SLC25A38: variants seen among roughly 807,000 people sequenced by gnomAD.
SLC25A38 encodes solute carrier family 25 member 38, also known as mitochondrial glycine transporter.
A neutral mutation model predicts 33.4 loss-of-function variants in SLC25A38; 27 were observed. The ratio of observed to expected loss-of-function variants is 0.81; its 90% confidence interval spans 0.60 to 1.11. SLC25A38 has a LOEUF of 1.11. Ranked by LOEUF, SLC25A38 falls within the 50% of genes most tolerant of loss-of-function variation. SLC25A38 has a pLI of 0.00. For synonymous variants in SLC25A38, 123 were observed against 145.9 expected (o/e 0.84, Z 1.13); for missense variants, 344 against 388.8 (o/e 0.88, Z 0.97).
At chr3:39,393,003 G>A (rs535034681) in intron 5 of SLC25A38, among the ~76,000 whole-genome samples, 1 of 152,332 alleles carries the variant, frequency 6.6e-6, no homozygotes, top group South Asian at 2.1e-4. Context: ...AAATTTCTGA[G>A]GCCTGGTGCG....
At chr3:39,392,262 T>G (rs13081742) in intron 5 of SLC25A38, among the ~76,000 whole-genome samples, 2 of 82,360 alleles carry the variant, frequency 2.4e-5, no homozygotes, top group Admixed American at 1.3e-4. Flanking sequence ...GGGGTGAGGA[T>G]AGGGTGGGTG....
chr3:39,394,985 C>G (rs2041811902), intron 6 of SLC25A38, among the ~76,000 whole-genome samples: 2 of 151,522 alleles, frequency 1.3e-5, no homozygotes, highest in South Asian at 4.2e-4. Context: ...CACACAAACA[C>G]ATTGTTTTAT....
intron 6 of SLC25A38, among the ~76,000 whole-genome samples, chr3:39,395,077 C>T (rs1439592789): frequency 1.3e-5 from 2 of 152,104 alleles, no homozygotes; most frequent in African/African-American, 4.8e-5. Context: ...TCTTGGGCCA[C>T]ACATAAAATA....
intron 1 of SLC25A38, among the ~76,000 whole-genome samples, chr3:39,386,603 A>C (rs11923386): frequency 0.013 from 1,921 of 152,320 alleles, 41 homozygotes; most frequent in African/African-American, 0.044. Context: ...GAAGATGACT[A>C]TGGCTTCAGG....
intron 1 of SLC25A38, among the ~76,000 whole-genome samples, chr3:39,384,008 G>T (rs966247199): frequency 6.6e-6 from 1 of 152,210 alleles, no homozygotes; most frequent in Non-Finnish European, 1.5e-5. Flanking sequence ...GGGGGCAGGC[G>T]CTGTAGGGCC....
In SLC25A38 at chr3:39,390,469, A is replaced by G. The variant is rs1189108054; in HGVS notation, c.238A>G (p.Thr80Ala). Residue 80 changes from threonine (T) to alanine (A), a missense_variant, in exon 3 of 7, where the codon ACG becomes GCG. Around this residue, in one of 2 missense-constraint regions of SLC25A38, gnomAD observed 269 missense variants for 271.8 expected, o/e 0.99. Coordinates refer to ENST00000650617, the MANE Select transcript of SLC25A38 (RefSeq NM_017875.4). ...MLAVLLKVVRTESLLGLWKGM... is the reference protein window; with the variant it reads ...MLAVLLKVVRAESLLGLWKGM... The stretch of plus-strand genomic sequence containing the variant: ...GGCTGTACTCTTGAAGGTGGTTCGC[A>G]CGGAGAGTCTTTTGGGCCTTTGGAA... The G allele has an allele frequency of 6.2e-7, 1 of 1,614,176 alleles. No individual in the cohort carries two copies. Among genetic ancestry groups the G allele is most frequent in the South Asian group, 1.1e-5 (1 of 91,086 alleles).
intron 3 of SLC25A38, 147 bp from the exon 4 acceptor site, chr3:39,391,294 C>G: frequency 3.7e-6 from 4 of 1,086,432 alleles, no homozygotes. Context: ...TATCTCATGT[C>G]CCCCACTTCC....
Position 39,389,432 on chromosome 3 carries a change from G to T in SLC25A38, c.70-63G>T, listed in dbSNP as rs773945731. On this transcript the variant is annotated intron_variant, in intron 1 of 6. Transcript: ENST00000650617. This position sits in a 1 kb window ranked among gnomAD's most constrained non-coding sequence, Gnocchi z 4.5. ...CATTATAAAGGAATTTGCTGGTCAG[G>T]TATAGAGAAAGGTGAGGCTCACACA... 145 of 1,613,626 alleles carry T rather than the reference G, an allele frequency of 9.0e-5. No homozygotes were observed. The highest frequency in any genetic ancestry group is 1.2e-4 in the Admixed American group (7 of 59,962).
chr3:39,395,170 T>G (rs1252544937), intron 6 of SLC25A38, among the ~76,000 whole-genome samples: 2 of 152,090 alleles, frequency 1.3e-5, no homozygotes, highest in African/African-American at 4.8e-5. Context: ...GTTTACAAAT[T>G]TGTTTTGGGC....
In SLC25A38 at chr3:39,383,745, G is replaced by A. The variant is rs1161059746; in HGVS notation, c.21G>A (p.Pro7=). The A allele has an allele frequency of 6.2e-7, 1 of 1,614,188 alleles. No homozygotes were observed. The change falls in exon 1 of 7, where the codon CCG becomes CCA. Residue 7 remains proline, a synonymous_variant. Transcript: ENST00000650617. The part of the protein sequence containing the change: MIQNSR[P]SLLQPQDVGD... ...CTCCAATGATTCAGAACTCACGTCC[G>A]TCGCTGCTGCAACCCCAAGATGTCG...
rs772294279 is a variant in SLC25A38 at position 39,383,679 on chromosome 3, C to T, written c.-46C>T. On this transcript the variant is annotated 5_prime_UTR_variant, in exon 1 of 7. Transcript: ENST00000650617. ...GCCTCCAGGGCTGGGCCCAAGCGCCCGTCGACGGCACCCTGGGCCCAGAGG... is the reference window on the plus strand; with the variant it reads ...GCCTCCAGGGCTGGGCCCAAGCGCCTGTCGACGGCACCCTGGGCCCAGAGG... 5 of 1,611,326 alleles carry T rather than the reference C, an allele frequency of 3.1e-6. No homozygotes were observed. The highest frequency in any genetic ancestry group is 4.5e-5 in the East Asian group (2 of 44,870).
chr3:39,395,987 G>A lies in SLC25A38; in HGVS notation c.793-411G>A, dbSNP rs558305958. ...GCACTTTGGGAGGTTGAGGTGGGCA[G>A]ATCACAAGGTCAGGAGTTCGAGACC... On this transcript the variant is annotated intron_variant, in intron 6 of 6. Coordinates refer to ENST00000650617, the MANE Select transcript of SLC25A38 (RefSeq NM_017875.4). Among the ~76,000 whole-genome samples, 62 of 152,036 alleles carry A rather than the reference G, an allele frequency of 4.1e-4. 2 individuals carry two copies. In the South Asian group the frequency reaches 0.012, roughly 31 times the overall value.
chr3:39,395,379 C>CA (rs1301432335), intron 6 of SLC25A38, among the ~76,000 whole-genome samples: 1 of 151,272 alleles, frequency 6.6e-6, no homozygotes, highest in Non-Finnish European at 1.5e-5. Flanking sequence ...TGAAGACCAG[C>CA]ATGGGCAATG....
chr3:39,383,888 G>C (rs957163547), intron 1 of SLC25A38, 95 bp downstream of exon 1: 1 of 1,382,294 alleles, frequency 7.2e-7, no homozygotes, highest in African/African-American at 1.4e-5. Flanking sequence ...ACCCTTTTCC[G>C]CGCCCCAGGG....
intron 1 of SLC25A38, 28 bp downstream of exon 1, chr3:39,383,821 AG>A (rs1164214756): frequency 6.2e-7 from 1 of 1,613,186 alleles, no homozygotes; most frequent in Non-Finnish European, 8.5e-7. Flanking sequence ...AAGGAAGGGC[AG>A]GGGTCCGAAC....
chr3:39,396,225 T>A (rs987861409), intron 6 of SLC25A38, among the ~76,000 whole-genome samples, 173 bp from the exon 7 acceptor site: 29 of 141,880 alleles, frequency 2.0e-4, no homozygotes, highest in African/African-American at 7.1e-4. Flanking sequence ...AAAAAAAAAT[T>A]TTTTTTAAGT....
intron 5 of SLC25A38, 138 bp from the exon 6 acceptor site, chr3:39,394,272 C>T (rs982572218): frequency 1.7e-4 from 180 of 1,068,316 alleles, no homozygotes; most frequent in African/African-American, 5.4e-4. Context: ...ACTAGTTGCA[C>T]CTTTAAGTTT....
intron 3 of SLC25A38, 143 bp from the exon 4 acceptor site, chr3:39,391,298 C>A: frequency 2.7e-6 from 3 of 1,123,670 alleles, no homozygotes; most frequent in African/African-American, 1.5e-5. Context: ...TCATGTCCCC[C>A]ACTTCCCTAT....
At chr3:39,384,814 T>G in intron 1 of SLC25A38, 1 of 395,162 alleles carries the variant, frequency 2.5e-6, no homozygotes, top group Middle Eastern at 6.3e-4. Context: ...TTTTTTTTTT[T>G]TTTTGAGACA....
Sources: gnomAD v4.1 joint callset for allele counts (sites outside exome capture counted in the v4.1 genomes callset) on GRCh38, gnomAD v4.1.1 for gene constraint, gnomAD v4.1.1 regional missense constraint, Gnocchi (gnomAD v3.1) non-coding constraint, MANE v1.5 for transcripts, NCBI Gene and HGNC (gene_info 2026-07-23, HGNC 2026-07-21) for gene names.